Variants in DCAF12 observed in about 807,000 individuals in gnomAD.
The protein encoded by DCAF12 is DDB1 and CUL4 associated factor 12, also known as DDB1- and CUL4-associated factor 12.
Under a neutral mutation model 52.8 loss-of-function variants are expected in DCAF12, and 28 were observed. The observed-to-expected ratio is 0.53, with a 90% CI of 0.39 to 0.73. The LOEUF (loss-of-function observed/expected upper bound fraction) is 0.73. Among genes scored for constraint, DCAF12 ranks in the 30% least tolerant of loss-of-function variants. The pLI is 0.00. For synonymous variants in DCAF12, 196 were observed against 215.5 expected, an observed-to-expected ratio of 0.91 and a Z score of 0.79; for missense variants, 425 against 552.2, an observed-to-expected ratio of 0.77 and a Z score of 2.31.
chr9:34,126,177 C>A (rs536742881), intron 1 of DCAF12, among the ~76,000 whole-genome samples, 177 bp downstream of exon 1: 1 of 152,344 alleles, frequency 6.6e-6, no homozygotes, highest in East Asian at 1.9e-4. Flanking sequence ...ACCGCCCTGG[C>A]CTATCTGCCC....
chr9:34,121,195 T>A (rs1278604111), intron 2 of DCAF12, among the ~76,000 whole-genome samples: 2 of 152,030 alleles, frequency 1.3e-5, no homozygotes, highest in African/African-American at 4.8e-5. Context: ...GAACACTGAC[T>A]AAACCACAAA....
chr9:34,096,402 C>T (rs556223314), intron 6 of DCAF12, among the ~76,000 whole-genome samples: 2 of 151,878 alleles, frequency 1.3e-5, no homozygotes, highest in Admixed American at 1.3e-4. Flanking sequence ...ATAAAAATAC[C>T]AACCTGGCCA....
At chr9:34,122,376 G>A (rs72731221) in intron 2 of DCAF12, among the ~76,000 whole-genome samples, 13,795 of 151,752 alleles carry the variant, frequency 0.091, 906 homozygotes, top group Non-Finnish European at 0.13. Flanking sequence ...TCTCTGCCAA[G>A]CTTCAACTAA....
chr9:34,093,091 C>T (rs1465201225), intron 7 of DCAF12, among the ~76,000 whole-genome samples, 195 bp downstream of exon 7: 3 of 152,196 alleles, frequency 2.0e-5, no homozygotes, highest in African/African-American at 4.8e-5. Flanking sequence ...TCAGGTGATC[C>T]ACCCGCCTCG....
chr9:34,106,508 G>C lies in DCAF12; in HGVS notation c.541-14C>G, dbSNP rs1456794086. ...CTTGTGTCCATCCTTGGAGAGCAGG[G>C]AGTAACAGGTACAGGGAGGAAAATA... On this transcript the variant is annotated splice_polypyrimidine_tract_variant and intron_variant, in intron 3 of 8. Transcript: ENST00000361264. The C allele has an allele frequency of 2.2e-5, 36 of 1,605,264 alleles. No individual in the cohort carries two copies. The highest frequency in any genetic ancestry group is 3.0e-5 in the Non-Finnish European group (35 of 1,173,642).
rs555576565 is a variant in DCAF12, at chr9:34,089,738, T to C, written c.1025-148A>G. 579 of 682,032 alleles carry C rather than the reference T, an allele frequency of 8.5e-4. 5 individuals carry two copies. The highest frequency in any genetic ancestry group is 7.9e-3 in the South Asian group (297 of 37,738). The allele number at this position is 682,032 out of a possible 1,614,324, so 42.2% of individuals were successfully genotyped here. On this transcript the variant is annotated intron_variant, in intron 7 of 8. Transcript: ENST00000361264. ...AAAGTATCAGACAGTGTTTTCCCAA[T>C]GGCAAGTTAGCTCATGCAAAAGCAA...
intron 2 of DCAF12, among the ~76,000 whole-genome samples, chr9:34,112,302 C>T (rs1829016034): frequency 6.6e-6 from 1 of 152,034 alleles, no homozygotes; most frequent in Non-Finnish European, 1.5e-5. Flanking sequence ...TCCTTTTAAA[C>T]AAATGATCCC....
At chr9:34,103,973 GA>G (rs1329410855) in intron 4 of DCAF12, among the ~76,000 whole-genome samples, 1 of 152,060 alleles carries the variant, frequency 6.6e-6, no homozygotes, top group African/African-American at 2.4e-5. Flanking sequence ...ACACTTCATA[GA>G]AAAAAACATC....
At chr9:34,092,903 T>C (rs933509190) in intron 7 of DCAF12, among the ~76,000 whole-genome samples, 1 of 152,002 alleles carries the variant, frequency 6.6e-6, no homozygotes, top group African/African-American at 2.4e-5. Context: ...TGGAGTGCAA[T>C]GGTGCGATCT....
chr9:34,104,410 A>C (rs181634528), intron 4 of DCAF12, among the ~76,000 whole-genome samples: 6 of 152,170 alleles, frequency 3.9e-5, no homozygotes, highest in Admixed American at 3.9e-4. Flanking sequence ...GGGTGCAAGC[A>C]TGGAAGCTAT....
chr9:34,088,374 T>G lies in DCAF12; in HGVS notation c.1338A>C (p.Gly446=). 6.2e-7 allele frequency: 1 copy of G among 1,605,826 alleles called. No homozygotes were observed. The change falls in exon 9 of 9, where the codon GGA becomes GGC. Residue 446 remains glycine (G), a synonymous_variant. Transcript: ENST00000361264. ...ATTAACTCCAGAGCCCAGCATAGTT[T>G]CCATGGAGCCCTGAAGGGAGGGGAC... is the stretch of plus-strand genomic sequence containing the variant. ...AGGPLPSGLH[G]NYAGLWS
At chr9:34,122,849 T>C (rs534864590) in intron 2 of DCAF12, among the ~76,000 whole-genome samples, 6 of 152,174 alleles carry the variant, frequency 3.9e-5, no homozygotes, top group South Asian at 2.1e-4. Context: ...GAATGCCTTC[T>C]GTAGTTCTTT....
rs576136325 is a variant in DCAF12, at chr9:34,108,942, C to T, written c.334-1377G>A. 4.9e-4 allele frequency among the ~76,000 whole-genome samples: 73 copies of T among 148,630 alleles called. 1 individual carries two copies. In the South Asian group the frequency reaches 0.015, roughly 30 times the overall value. ...CCAGCCTGGGCAAAACAGCAAGACCCTATCTCAAACAAATACATATATGTA... is the reference window on the plus strand; with the variant it reads ...CCAGCCTGGGCAAAACAGCAAGACCTTATCTCAAACAAATACATATATGTA... On this transcript the variant is annotated intron_variant, in intron 2 of 8. Transcript: ENST00000361264.
intron 5 of DCAF12, 29 bp from the exon 6 acceptor site, chr9:34,096,810 T>C: frequency 6.3e-7 from 1 of 1,599,360 alleles, no homozygotes; most frequent in South Asian, 1.1e-5. Flanking sequence ...CCAGGTTATA[T>C]TATCATCTAT....
Position 34,087,483 on chromosome 9 carries a change from C to G in DCAF12, c.*867G>C, listed in dbSNP as rs936848082. 1 of 152,172 alleles carries G rather than the reference C, an allele frequency of 6.6e-6. No homozygotes were observed. Among genetic ancestry groups the G allele is most frequent in the African/African-American group, 2.4e-5 (1 of 41,426 alleles). The allele number at this position is 152,172 out of a possible 1,614,324, so 9.4% of individuals were successfully genotyped here. On this transcript the variant is annotated 3_prime_UTR_variant, in exon 9 of 9. Coordinates refer to ENST00000361264, the MANE Select transcript of DCAF12 (RefSeq NM_015397.4). ...GGATGGGGATTCAAGTCCCATGAAG[C>G]CTTTTGTAGCCTCTGGAGCTGCACC...
chr9:34,102,446 A>T (rs1828843825), intron 4 of DCAF12, among the ~76,000 whole-genome samples: 1 of 151,658 alleles, frequency 6.6e-6, no homozygotes, highest in Non-Finnish European at 1.5e-5. Context: ...GCAGATAACG[A>T]GGTCAGGAGT....
intron 2 of DCAF12, chr9:34,109,397 G>A (rs1261115351): frequency 5.0e-6 from 1 of 200,706 alleles, no homozygotes; most frequent in Non-Finnish European, 1.1e-5. Flanking sequence ...CAATGACGGT[G>A]GCAGCCATCT....
chr9:34,116,906 G>C (rs1300314546), intron 2 of DCAF12, among the ~76,000 whole-genome samples: 2 of 152,162 alleles, frequency 1.3e-5, no homozygotes, highest in African/African-American at 2.4e-5. Flanking sequence ...TTGAACCCAA[G>C]AGGCGGAGGT....
chr9:34,122,570 G>A (rs767661248), intron 2 of DCAF12, among the ~76,000 whole-genome samples: 7 of 146,880 alleles, frequency 4.8e-5, no homozygotes, highest in African/African-American at 7.6e-5. Context: ...TCCGCCTCCC[G>A]GGTTCAAGCA....
Sources: allele counts gnomAD v4.1 joint callset (sites outside exome capture counted in the v4.1 genomes callset), GRCh38; gene constraint gnomAD v4.1.1; transcripts MANE v1.5; gene names NCBI Gene and HGNC (gene_info 2026-07-23, HGNC 2026-07-21).